The following URB2 variants were observed in gnomAD, a reference collection of about 807,000 sequenced individuals.
URB2 encodes unhealthy ribosome biogenesis protein 2 homolog.
Under a neutral mutation model 120.9 loss-of-function variants are expected in URB2, and 86 were observed. The observed-to-expected ratio is 0.71, with a 90% CI of 0.60 to 0.85. URB2 has a LOEUF of 0.85. Ranked by LOEUF, URB2 falls within the 40% of genes least tolerant of loss-of-function variation. The pLI is 0.00. For missense variants in URB2, 1,765 were observed against 1,836.5 expected (o/e 0.96, Z 0.71); for synonymous variants, 755 against 758.4 (o/e 1.00, Z 0.07).
At chr1:229,638,495 A>C (rs925531400) in intron 4 of URB2, among the ~76,000 whole-genome samples, 1 of 151,922 alleles carries the variant, frequency 6.6e-6, no homozygotes, top group African/African-American at 2.4e-5. Flanking sequence ...AAATACAAAT[A>C]ATTAGCCGGG....
At chr1:229,631,538 T>G (rs1056917696) in intron 2 of URB2, among the ~76,000 whole-genome samples, 17 of 152,220 alleles carry the variant, frequency 1.1e-4, no homozygotes, top group Non-Finnish European at 2.4e-4. Flanking sequence ...CAGCTAGTCC[T>G]TCCACTTGAA....
chr1:229,637,775 G>C lies in URB2; in HGVS notation c.3162G>C (p.Gln1054His). ...QLENQNPQGR[Q>H]LLLVSLTRLC... is the part of the protein sequence containing the mutation. Reference sequence around the variant, plus strand: ...AAAATCAGAACCCCCAGGGCAGGCAGCTCCTTCTGGTGTCTTTAACCAGGT... The same window carrying C: ...AAAATCAGAACCCCCAGGGCAGGCACCTCCTTCTGGTGTCTTTAACCAGGT... Residue 1054 changes from glutamine to histidine, a missense_variant, in exon 4 of 10, where the codon CAG (glutamine) becomes CAC (histidine). Coordinates refer to ENST00000258243, the MANE Select transcript of URB2 (RefSeq NM_014777.4). 1 of 1,614,066 alleles carries C rather than the reference G, an allele frequency of 6.2e-7. No individual in the cohort carries two copies. The highest frequency in any genetic ancestry group is 8.5e-7 in the Non-Finnish European group (1 of 1,180,028).
intron 2 of URB2, among the ~76,000 whole-genome samples, chr1:229,630,730 G>A (rs928227554): frequency 5.9e-5 from 9 of 152,150 alleles, no homozygotes; most frequent in African/African-American, 1.9e-4. Context: ...GCTCACGCCT[G>A]TAATCCCAGC....
rs749714335 is a variant in URB2 at position 229,654,287 on chromosome 1, C to T, written c.4276C>T (p.Arg1426Cys). The stretch of plus-strand genomic sequence containing the variant: ...CCTGCCTACGGTCCTAAAGTGTGCA[C>T]GCCTGGTTGAAAGAATGTACAGCCA... ...DDLPTVLKCA[R>C]LVERMYSHIA... Residue 1426 changes from arginine to cysteine, a missense_variant, in exon 9 of 10, where the codon CGC becomes TGC. Physicochemically the swap from Arg to Cys is radical, Grantham distance 180. Transcript: ENST00000258243. 16 of 1,614,164 alleles carry T rather than the reference C, an allele frequency of 9.9e-6. No homozygotes were observed. Among genetic ancestry groups the T allele is most frequent in the East Asian group, 2.2e-5 (1 of 44,880 alleles).
intron 2 of URB2, among the ~76,000 whole-genome samples, chr1:229,628,869 A>G (rs957694940): frequency 1.3e-5 from 2 of 152,220 alleles, no homozygotes; most frequent in African/African-American, 2.4e-5. Context: ...TGGATGACAT[A>G]TGTAAAGCGA....
intron 4 of URB2, 103 bp from the exon 5 acceptor site, chr1:229,643,430 A>T (rs1267797660): frequency 1.4e-6 from 2 of 1,398,638 alleles, no homozygotes; most frequent in African/African-American, 1.4e-5. Context: ...TAACTTGGTG[A>T]TTTTTGATGG....
chr1:229,630,982 C>CAAAAGA (rs1395695399), intron 2 of URB2, among the ~76,000 whole-genome samples: 1 of 65,108 alleles, frequency 1.5e-5, no homozygotes, highest in Non-Finnish European at 2.8e-5. Context: ...AACTCCGTCT[C>CAAAAGA]AAAAAAAAAA....
chr1:229,637,113 G>C lies in URB2; in HGVS notation c.2500G>C (p.Val834Leu). 6.2e-7 allele frequency: 1 copy of C among 1,613,124 alleles called. No individual in the cohort carries two copies. The highest frequency in any genetic ancestry group is 8.5e-7 in the Non-Finnish European group (1 of 1,179,400). ...CSGAQRDSGL[V>L]SQQLPWLFEK... ...TGGTGCCCAGCGTGACTCAGGTCTT[G>C]TCAGTCAGCAGCTTCCCTGGCTTTT... Residue 834 changes from valine (V) to leucine (L), a missense_variant, in exon 4 of 10, where the codon GTC becomes CTC. Coordinates refer to ENST00000258243, the MANE Select transcript of URB2 (RefSeq NM_014777.4).
chr1:229,630,177 T>C (rs1276277957), intron 2 of URB2, among the ~76,000 whole-genome samples: 1 of 152,260 alleles, frequency 6.6e-6, no homozygotes, highest in Non-Finnish European at 1.5e-5. Flanking sequence ...TACTGGCATC[T>C]AGAGTGGTGA....
At chr1:229,646,777 C>T (rs1268379161) in intron 6 of URB2, among the ~76,000 whole-genome samples, 1 of 152,172 alleles carries the variant, frequency 6.6e-6, no homozygotes, top group African/African-American at 2.4e-5. Context: ...AAACCCTGAC[C>T]TGGGTGTTCT....
In URB2 at chr1:229,647,536, G is replaced by GT; in HGVS notation, c.3933_3934insT (p.Gln1312SerfsTer72). 1 of 1,613,978 alleles carries GT rather than the reference G, an allele frequency of 6.2e-7. No homozygotes were observed. The highest frequency in any genetic ancestry group is 8.5e-7 in the Non-Finnish European group (1 of 1,179,882). On this transcript the variant is annotated frameshift_variant, in exon 7 of 10. Coordinates refer to ENST00000258243, the MANE Select transcript of URB2 (RefSeq NM_014777.4). LOFTEE classifies it high-confidence loss of function. Reference sequence around the variant, plus strand: ...TCTTAAACCGAGAAGCTTCTCAGGAGCAGCCTGTGTCCCTCACAGTGGTCG... The same window carrying GT: ...TCTTAAACCGAGAAGCTTCTCAGGAGTCAGCCTGTGTCCCTCACAGTGGTCG...
At chr1:229,658,142 T>C (rs1666447017) in intron 9 of URB2, among the ~76,000 whole-genome samples, 1 of 152,226 alleles carries the variant, frequency 6.6e-6, no homozygotes, top group Non-Finnish European at 1.5e-5. Context: ...CACCATCTGT[T>C]CCCAGAACTG....
rs1273113975 is a variant in URB2 at position 229,637,487 on chromosome 1, T to G, written c.2874T>G (p.Ala958=). 6.2e-7 allele frequency: 1 copy of G among 1,614,118 alleles called. No individual in the cohort carries two copies. Among genetic ancestry groups the G allele is most frequent in the East Asian group, 2.2e-5 (1 of 44,902 alleles). Residue 958 remains alanine, a synonymous_variant, in exon 4 of 10, where the codon GCT becomes GCG. Transcript: ENST00000258243. ...GTTACTTGCAAAAGGGGAAAAGTGC[T>G]CGCTCTGTGTTCAAGATCATGTATG... ...LLGYLQKGKS[A]RSVFKIMYGS...
At position 229,648,668 on chromosome 1, in the gene URB2, G is replaced by A. The variant is rs1666205769; in HGVS notation, c.4149+916G>A. Among the ~76,000 whole-genome samples the A allele has an allele frequency of 2.0e-5, 3 of 152,330 alleles. No individual in the cohort carries two copies. In the South Asian group the frequency reaches 6.2e-4, roughly 32 times the overall value. On this transcript the variant is annotated intron_variant, in intron 7 of 9. Coordinates refer to ENST00000258243, the MANE Select transcript of URB2 (RefSeq NM_014777.4). ...GAGGCTCAGTGCCGCCAAATAATTT[G>A]ACCAGTGTCACTTAGCTGAGTCTAA... is the stretch of plus-strand genomic sequence containing the variant.
Position 229,636,464 on chromosome 1 carries a change from C to T in URB2, c.1851C>T (p.Asp617=), listed in dbSNP as rs149586103. The T allele has an allele frequency of 4.4e-5, 71 of 1,614,228 alleles. No homozygotes were observed. The highest frequency in any genetic ancestry group is 1.6e-4 in the Middle Eastern group (1 of 6,062). ...LLLSYTWAQV[D]AMFSLNCSQY... ...TCTCTTACACTTGGGCCCAGGTGGACGCTATGTTCAGTTTGAACTGTAGCC... is the reference window on the plus strand; with the variant it reads ...TCTCTTACACTTGGGCCCAGGTGGATGCTATGTTCAGTTTGAACTGTAGCC... The change falls in exon 4 of 10, where the codon GAC becomes GAT. Residue 617 remains aspartate (D), a synonymous_variant. Coordinates refer to ENST00000258243, the MANE Select transcript of URB2 (RefSeq NM_014777.4).
In URB2 at chr1:229,647,564, C is replaced by A. The variant is rs778574334; in HGVS notation, c.3961C>A (p.Pro1321Thr). ...EQPVSLTVVG[P>T]VLDVLAALLR... is the part of the protein sequence containing the mutation. ...GCCTGTGTCCCTCACAGTGGTCGGG[C>A]CTGTCTTAGATGTCCTGGCTGCACT... Residue 1321 changes from proline (P) to threonine (T), a missense_variant, in exon 7 of 10, where the codon CCT (proline) becomes ACT (threonine). Transcript: ENST00000258243. 7 of 1,614,190 alleles carry A rather than the reference C, an allele frequency of 4.3e-6. No individual in the cohort carries two copies. Among genetic ancestry groups the A allele is most frequent in the Non-Finnish European group, 5.9e-6 (7 of 1,180,042 alleles).
intron 2 of URB2, among the ~76,000 whole-genome samples, chr1:229,628,693 A>G (rs1296508814): frequency 6.6e-6 from 1 of 152,234 alleles, no homozygotes; most frequent in Non-Finnish European, 1.5e-5. Flanking sequence ...CATTTTAGAA[A>G]TGGGCTAGGT....
At position 229,636,919 on chromosome 1, in the gene URB2, C is replaced by T. The variant is rs1257822906; in HGVS notation, c.2306C>T (p.Thr769Ile). 1.9e-6 allele frequency: 3 copies of T among 1,612,898 alleles called. No individual in the cohort carries two copies. The highest frequency in any genetic ancestry group is 2.5e-6 in the Non-Finnish European group (3 of 1,179,358). Residue 769 changes from threonine to isoleucine, a missense_variant, in exon 4 of 10, where the codon ACT becomes ATT. Coordinates refer to ENST00000258243, the MANE Select transcript of URB2 (RefSeq NM_014777.4). Reference protein sequence around the residue: ...VGYLASVLLRTLPMGKAQEVS... With the variant: ...VGYLASVLLRILPMGKAQEVS... ...TACCTGGCCAGTGTCCTGCTGAGAA[C>T]TTTACCCATGGGCAAAGCCCAGGAA...
At chr1:229,642,679 T>C (rs1377868622) in intron 4 of URB2, among the ~76,000 whole-genome samples, 2 of 152,184 alleles carry the variant, frequency 1.3e-5, no homozygotes, top group African/African-American at 4.8e-5. Context: ...TGGAGCTCTC[T>C]TAGTCTTTCT....
Sources: gnomAD v4.1 joint callset for allele counts (sites outside exome capture counted in the v4.1 genomes callset) on GRCh38, gnomAD v4.1.1 for gene constraint, MANE v1.5 for transcripts, NCBI Gene and HGNC (gene_info 2026-07-23, HGNC 2026-07-21) for gene names.